The following PDE1C variants were observed in gnomAD, a reference collection of about 807,000 sequenced individuals.
PDE1C encodes dual specificity calcium/calmodulin-dependent 3',5'-cyclic nucleotide phosphodiesterase 1C.
In PDE1C, 62 loss-of-function variants were observed where a neutral mutation model predicts 93.1. That is an observed-to-expected ratio of 0.67 (90% CI 0.54 to 0.82). The LOEUF (loss-of-function observed/expected upper bound fraction) is 0.82. PDE1C is among the 40% of genes least tolerant of loss of function. The pLI is 0.00. For missense variants in PDE1C, 742 were observed against 884.6 expected (o/e 0.84, Z 2.04); for synonymous variants, 325 against 310.1 (o/e 1.05, Z -0.50).
chr7:32,053,058 T>C (rs146909776), intron 1 of PDE1C, among the ~76,000 whole-genome samples: 29 of 152,332 alleles, frequency 1.9e-4, no homozygotes, highest in African/African-American at 6.3e-4. Context: ...GGGAGGAAAG[T>C]TGACTAACAG....
chr7:32,290,620 G>T (rs978657777), intron 1 of PDE1C, among the ~76,000 whole-genome samples: 2 of 152,150 alleles, frequency 1.3e-5, no homozygotes, highest in Non-Finnish European at 2.9e-5. Context: ...TAGAGCCCAG[G>T]TCTTCTGTAT....
chr7:31,961,276 T>A (rs1160347611), intron 2 of PDE1C, among the ~76,000 whole-genome samples: 2 of 151,762 alleles, frequency 1.3e-5, no homozygotes, highest in African/African-American at 2.4e-5. Context: ...ACACACAGGC[T>A]ATTATACATT....
chr7:32,291,721 T>A (rs767197058), intron 1 of PDE1C, among the ~76,000 whole-genome samples: 20 of 152,208 alleles, frequency 1.3e-4, no homozygotes, highest in Non-Finnish European at 2.6e-4. Flanking sequence ...CTACAAAGCA[T>A]CCATCACAAA....
chr7:31,766,600 T>C (rs1406209729), intron 17 of PDE1C, among the ~76,000 whole-genome samples: 3 of 152,240 alleles, frequency 2.0e-5, no homozygotes, highest in South Asian at 4.1e-4. Flanking sequence ...GGAAAAGCCA[T>C]CCTCCAGAAT....
chr7:32,022,334 G>T (rs1788800585), intron 2 of PDE1C, among the ~76,000 whole-genome samples: 1 of 152,112 alleles, frequency 6.6e-6, no homozygotes, highest in African/African-American at 2.4e-5. Context: ...AAGGGCCACA[G>T]ACACAATGTT....
intron 1 of PDE1C, among the ~76,000 whole-genome samples, chr7:32,229,205 G>A (rs183443611): frequency 1.3e-5 from 2 of 152,136 alleles, no homozygotes; most frequent in Admixed American, 6.5e-5. Flanking sequence ...TCCTCACCAC[G>A]ACCCTGTGAG....
the PDE1C span, among the ~76,000 whole-genome samples, chr7:31,731,962 G>C: frequency 1.3e-5 from 2 of 152,182 alleles, no homozygotes. Flanking sequence ...AGCAGGACTC[G>C]CCCCATTGGA....
chr7:31,730,112 T>G, the PDE1C span, among the ~76,000 whole-genome samples: 1 of 152,154 alleles, frequency 6.6e-6, no homozygotes, highest in Non-Finnish European at 1.5e-5. Flanking sequence ...AAGCATCTGA[T>G]TCCCCTAGAC....
rs189535096 is a variant in PDE1C at position 31,871,011 on chromosome 7, C to T, written c.609+2281G>A. On this transcript the variant is annotated intron_variant, in intron 6 of 17. Transcript: ENST00000396191. Reference sequence around the variant, plus strand: ...CTATTAGTATAAAAAATAGTATTTTCTGGTATTAGTATAAAAACAGACACA... The same window carrying T: ...CTATTAGTATAAAAAATAGTATTTTTTGGTATTAGTATAAAAACAGACACA... Among the ~76,000 whole-genome samples, 239 of 151,120 alleles carry T rather than the reference C, an allele frequency of 1.6e-3. 1 individual carries two copies. Among genetic ancestry groups the T allele is most frequent in the African/African-American group, 5.6e-3 (233 of 41,298 alleles).
At chr7:31,931,447 G>C (rs1312156751) in intron 2 of PDE1C, among the ~76,000 whole-genome samples, 1 of 152,120 alleles carries the variant, frequency 6.6e-6, no homozygotes, top group Non-Finnish European at 1.5e-5. Context: ...ACCAATAGCA[G>C]ACAAACAGAG....
intron 1 of PDE1C, among the ~76,000 whole-genome samples, chr7:32,353,645 T>G (rs1280818269): frequency 3.3e-5 from 5 of 151,732 alleles, no homozygotes; most frequent in Admixed American, 6.6e-5. Flanking sequence ...ATCTTTTTAG[T>G]CTACAGGTAT....
upstream of PDE1C, among the ~76,000 whole-genome samples, chr7:32,074,262 C>T (rs1449515497): frequency 6.6e-6 from 1 of 152,076 alleles, no homozygotes; most frequent in South Asian, 2.1e-4. Flanking sequence ...TGAGAATGAC[C>T]CCCCTGGTCT....
intron 2 of PDE1C, among the ~76,000 whole-genome samples, chr7:32,011,795 C>T (rs1051632729): frequency 6.6e-6 from 1 of 152,144 alleles, no homozygotes; most frequent in Non-Finnish European, 1.5e-5. Flanking sequence ...CATGCAGCTA[C>T]TATATGATGT....
At chr7:31,776,297 G>A (rs62448796) in intron 16 of PDE1C, among the ~76,000 whole-genome samples, 8,794 of 152,202 alleles carry the variant, frequency 0.058, 584 homozygotes, top group East Asian at 0.19. Context: ...CAACAATTGC[G>A]TCGAAGTGTT....
chr7:32,185,417 C>T (rs186883880), intron 2 of PDE1C, among the ~76,000 whole-genome samples: 7 of 151,974 alleles, frequency 4.6e-5, no homozygotes, highest in South Asian at 4.1e-4. Flanking sequence ...TCTTCTTTTA[C>T]GTTGTTTTTA....
the PDE1C span, among the ~76,000 whole-genome samples, chr7:31,720,440 C>A: frequency 1.3e-5 from 2 of 152,128 alleles, no homozygotes; most frequent in South Asian, 4.1e-4. Flanking sequence ...CAGCCCCAAG[C>A]CTCCTGTGTC....
chr7:31,654,035 T>C, the PDE1C span, among the ~76,000 whole-genome samples: 3 of 128,028 alleles, frequency 2.3e-5, no homozygotes, highest in Admixed American at 1.7e-4. Flanking sequence ...TCAGAAAGAG[T>C]TGGATGAAGA....
At position 32,106,186 on chromosome 7, in the gene PDE1C, A is replaced by AT. The variant is rs1798301456; in HGVS notation, c.308+63598dup. On this transcript the variant is annotated intron_variant, in intron 3 of 18. Coordinates refer to the PDE1C transcript ENST00000396193. ...TGCCACCATACTCGGCTAATCTTTT[A>AT]TTTATTTATTTTTGCAGAGATTGGG... Among the ~76,000 whole-genome samples the AT allele has an allele frequency of 2.0e-5, 3 of 151,842 alleles. No homozygotes were observed. The South Asian group carries it at 6.3e-4, about 32-fold the overall frequency.
At chr7:31,971,606 C>G (rs757906254) in intron 2 of PDE1C, among the ~76,000 whole-genome samples, 12 of 152,206 alleles carry the variant, frequency 7.9e-5, no homozygotes, top group Non-Finnish European at 1.5e-4. Context: ...ATCCTGCCAC[C>G]TGCCCTGCCC....
Sources: allele counts gnomAD v4.1 joint callset (sites outside exome capture counted in the v4.1 genomes callset), GRCh38; gene constraint gnomAD v4.1.1; transcripts MANE v1.5; gene names NCBI Gene and HGNC (gene_info 2026-07-23, HGNC 2026-07-21).